FBXL19: variants seen among roughly 807,000 people sequenced by gnomAD.
FBXL19 encodes F-box/LRR-repeat protein 19.
Under a neutral mutation model 71.2 loss-of-function variants are expected in FBXL19, and 16 were observed. The observed-to-expected ratio is 0.22, with a 90% CI of 0.15 to 0.34. The LOEUF (loss-of-function observed/expected upper bound fraction) is 0.34, where lower values mean the gene tolerates loss of function less well. FBXL19 is among the 10% of genes least tolerant of loss of function. The pLI is 1.00. For missense variants in FBXL19, 658 were observed against 968.2 expected, an observed-to-expected ratio of 0.68 and a Z score of 4.25; for synonymous variants, 447 against 409.4, an observed-to-expected ratio of 1.09 and a Z score of -1.11.
intron 7 of FBXL19, among the ~76,000 whole-genome samples, chr16:30,940,212 C>G (rs927613169): frequency 2.4e-4 from 36 of 151,140 alleles, no homozygotes; most frequent in Admixed American, 4.0e-4. Context: ...GAGCCAAGAT[C>G]ACACCATTGC....
At chr16:30,944,706 C>T (rs1204185845) in intron 9 of FBXL19, among the ~76,000 whole-genome samples, 2 of 152,220 alleles carry the variant, frequency 1.3e-5, no homozygotes, top group East Asian at 3.8e-4. Flanking sequence ...CTGATGCCTA[C>T]TCCTCCCTGC....
Position 30,928,484 on chromosome 16 carries a change from G to A in FBXL19, c.645G>A (p.Glu215=). Residue 215 remains glutamate, a synonymous_variant, in exon 6 of 11, where the codon GAG becomes GAA. Transcript: ENST00000338343. ...CCTGGTAGGTGAAAGGAGGCCGAGA[G>A]AGGCACCTGAAGAAGGTGGGTGGAG... ...TPRKKVKGGR[E]RHLKKVGGDA... is the part of the protein sequence containing the mutation. The A allele has an allele frequency of 6.3e-7, 1 of 1,591,976 alleles. No individual in the cohort carries two copies. Among genetic ancestry groups the A allele is most frequent in the Non-Finnish European group, 8.6e-7 (1 of 1,168,862 alleles).
In FBXL19 at chr16:30,930,511, C is replaced by A. The variant is rs2055660812; in HGVS notation, c.1228C>A (p.Leu410Ile). 1 of 1,526,234 alleles carries A rather than the reference C, an allele frequency of 6.6e-7. No individual in the cohort carries two copies. Among genetic ancestry groups the A allele is most frequent in the Non-Finnish European group, 8.7e-7 (1 of 1,142,964 alleles). The allele number at this position is 1,526,234 out of a possible 1,614,324, so 94.5% of individuals were successfully genotyped here. The change falls in exon 7 of 11, where the codon CTT becomes ATT. Residue 410 changes from leucine to isoleucine, a missense_variant. Coordinates refer to ENST00000338343, the MANE Select transcript of FBXL19 (RefSeq NM_001382779.1). The surrounding 1 kb of genome is among the most constrained non-coding windows in gnomAD (Gnocchi z 8.5). ...CCACCCCCTGCCCCGGGCCGCCTGG[C>A]TTCGCGTCTTCCAGCACCTCGGGCC... Reference protein sequence around the residue: ...SDHPLPRAAWLRVFQHLGPRE... With the variant: ...SDHPLPRAAWIRVFQHLGPRE...
In FBXL19 at chr16:30,946,823, G is replaced by A. The variant is rs760206019; in HGVS notation, c.1721G>A (p.Arg574His). 37 of 1,612,684 alleles carry A rather than the reference G, an allele frequency of 2.3e-5. No homozygotes were observed. Among genetic ancestry groups the A allele is most frequent in the Admixed American group, 5.0e-5 (3 of 59,894 alleles). The change falls in exon 10 of 11, where the codon CGT (arginine) becomes CAT (histidine). Residue 574 changes from arginine to histidine, a missense_variant. Arg to His is a conservative substitution (Grantham distance 29, BLOSUM62 0). This residue lies in a region of FBXL19 where 69 missense variants were observed against 177.8 expected (regional missense o/e 0.39). Coordinates refer to ENST00000338343, the MANE Select transcript of FBXL19 (RefSeq NM_001382779.1). This position sits in a 1 kb window ranked among gnomAD's most constrained non-coding sequence, Gnocchi z 6.7. ...GATGCCTCCCTGCGTCTCCTGCTGC[G>A]TCACGCACCCCAGCTGAGCGCCCTG... is the stretch of plus-strand genomic sequence containing the variant. ...LTDASLRLLL[R>H]HAPQLSALDL...
intron 7 of FBXL19, among the ~76,000 whole-genome samples, chr16:30,933,096 G>A (rs2055693386): frequency 6.6e-6 from 1 of 151,978 alleles, no homozygotes. Flanking sequence ...CACCTCCCAG[G>A]TTCAAGCGAT....
intron 1 of FBXL19, 194 bp downstream of exon 1, chr16:30,924,653 T>C: frequency 7.1e-7 from 1 of 1,400,692 alleles, no homozygotes; most frequent in Non-Finnish European, 9.2e-7. Context: ...TGCTTCCCCT[T>C]GAAAGCCCCC....
chr16:30,946,621 C>A lies in FBXL19; in HGVS notation c.1628-109C>A. ...TTTGAGAAGAGCAAGCCACAGAGTG[C>A]ACCAGGTCACTCACTTATGTGGGAA... On this transcript the variant is annotated intron_variant, in intron 9 of 10. Coordinates refer to ENST00000338343, the MANE Select transcript of FBXL19 (RefSeq NM_001382779.1). The surrounding 1 kb of genome is among the most constrained non-coding windows in gnomAD (Gnocchi z 6.7). 1 of 1,048,758 alleles carries A rather than the reference C, an allele frequency of 9.5e-7. No homozygotes were observed. Among genetic ancestry groups the A allele is most frequent in the Non-Finnish European group, 1.4e-6 (1 of 720,078 alleles). The allele number at this position is 1,048,758 out of a possible 1,614,324, so 65.0% of individuals were successfully genotyped here.
At position 30,925,833 on chromosome 16, in the gene FBXL19, C is replaced by A; in HGVS notation, c.79C>A (p.Arg27=). 6.6e-7 allele frequency: 1 copy of A among 1,512,942 alleles called. No homozygotes were observed. Among genetic ancestry groups the A allele is most frequent in the Non-Finnish European group, 8.8e-7 (1 of 1,134,252 alleles). The allele number at this position is 1,512,942 out of a possible 1,614,324, so 93.7% of individuals were successfully genotyped here. Residue 27 remains arginine (R), a synonymous_variant, in exon 2 of 11, where the codon CGA becomes AGA. Coordinates refer to ENST00000338343, the MANE Select transcript of FBXL19 (RefSeq NM_001382779.1). The surrounding 1 kb of genome is among the most constrained non-coding windows in gnomAD (Gnocchi z 5.0). ...CTGCCGCCGCTGCCGGGCCTGTGTG[C>A]GAACTGAGTGCGGGGATTGCCACTT... ...TRCRRCRACV[R]TECGDCHFCR...
Position 30,942,558 on chromosome 16 carries a change from C to T in FBXL19, c.1627+22C>T, listed in dbSNP as rs901425197. 2 of 1,557,646 alleles carry T rather than the reference C, an allele frequency of 1.3e-6. No homozygotes were observed. Among genetic ancestry groups the T allele is most frequent in the African/African-American group, 1.4e-5 (1 of 73,724 alleles). On this transcript the variant is annotated intron_variant, in intron 9 of 10. Coordinates refer to ENST00000338343, the MANE Select transcript of FBXL19 (RefSeq NM_001382779.1). This position sits in a 1 kb window ranked among gnomAD's most constrained non-coding sequence, Gnocchi z 5.7. ...CCAGGTGCAACCTCTGTTTGCTTTTCTGGAGAATGGGCTGGGCAAGGGTAG... is the reference window on the plus strand; with the variant it reads ...CCAGGTGCAACCTCTGTTTGCTTTTTTGGAGAATGGGCTGGGCAAGGGTAG...
intron 7 of FBXL19, among the ~76,000 whole-genome samples, chr16:30,940,119 G>A (rs1422255217): frequency 2.6e-5 from 4 of 152,216 alleles, no homozygotes; most frequent in Admixed American, 1.3e-4. Context: ...TTAGCCGGGC[G>A]TGGTGGCGCA....
In FBXL19 at chr16:30,925,781, G is replaced by A. The variant is rs1349213519; in HGVS notation, c.27G>A (p.Gly9=). The part of the protein sequence containing the change: MSSSSRGP[G]AGARRRRTRC... ...TGTCGTCGAGCAGCCGGGGGCCGGG[G>A]GCCGGAGCGCGCCGACGCCGAACCC... Residue 9 remains glycine, a synonymous_variant, in exon 2 of 11, where the codon GGG becomes GGA. Coordinates refer to ENST00000338343, the MANE Select transcript of FBXL19 (RefSeq NM_001382779.1). This position sits in a 1 kb window ranked among gnomAD's most constrained non-coding sequence, Gnocchi z 5.0. 1.3e-6 allele frequency: 2 copies of A among 1,488,790 alleles called. No individual in the cohort carries two copies. Among genetic ancestry groups the A allele is most frequent in the South Asian group, 1.3e-5 (1 of 75,662 alleles). The allele number at this position is 1,488,790 out of a possible 1,614,324, so 92.2% of individuals were successfully genotyped here. A position where few individuals can be genotyped will look rare whatever the true frequency, so the allele number is the denominator to read the frequency against.
At chr16:30,943,081 G>C (rs761041839) in intron 9 of FBXL19, among the ~76,000 whole-genome samples, 100 of 152,380 alleles carry the variant, frequency 6.6e-4, no homozygotes, top group Non-Finnish European at 1.1e-3. Flanking sequence ...CTGCTCCATA[G>C]ATAGCTGTTG....
chr16:30,945,907 A>G (rs949506024), intron 9 of FBXL19, among the ~76,000 whole-genome samples: 2 of 151,854 alleles, frequency 1.3e-5, no homozygotes, highest in Non-Finnish European at 2.9e-5. Flanking sequence ...AATGCATATA[A>G]TATGTCAAAT....
intron 6 of FBXL19, among the ~76,000 whole-genome samples, chr16:30,929,207 C>T (rs2055640388): frequency 6.6e-6 from 1 of 152,186 alleles, no homozygotes; most frequent in African/African-American, 2.4e-5. Flanking sequence ...CAAATCCTGC[C>T]TCTGCTGTTT....
Position 30,928,522 on chromosome 16 carries a change from T to C in FBXL19, c.683T>C (p.Leu228Pro). The change falls in exon 6 of 11, where the codon CTC (leucine) becomes CCC (proline). Residue 228 changes from leucine (L) to proline (P), a missense_variant. Around this residue, in one of 8 missense-constraint regions of FBXL19, gnomAD observed 447 missense variants for 515.4 expected, o/e 0.87. Coordinates refer to ENST00000338343, the MANE Select transcript of FBXL19 (RefSeq NM_001382779.1). The stretch of plus-strand genomic sequence containing the variant: ...AAGGTGGGTGGAGACGCCTGCCTCC[T>C]CCGAGGATCGGACCCAGGCGGCCCG... ...LKKVGGDACL[L>P]RGSDPGGPGL... The C allele has an allele frequency of 1.9e-6, 3 of 1,607,806 alleles. No homozygotes were observed. The highest frequency in any genetic ancestry group is 2.5e-6 in the Non-Finnish European group (3 of 1,176,936).
At chr16:30,935,716 C>T (rs1223567240) in intron 7 of FBXL19, among the ~76,000 whole-genome samples, 2 of 152,104 alleles carry the variant, frequency 1.3e-5, no homozygotes, top group Non-Finnish European at 1.5e-5. Flanking sequence ...AGGGCTGGTC[C>T]AGCTCCCTGT....
intron 7 of FBXL19, among the ~76,000 whole-genome samples, chr16:30,935,439 A>T (rs2055721663): frequency 1.3e-5 from 2 of 151,690 alleles, no homozygotes; most frequent in African/African-American, 4.8e-5. Context: ...TGATCCCTTA[A>T]GAGTGAAGAG....
At chr16:30,936,648 A>G (rs949920035) in intron 7 of FBXL19, among the ~76,000 whole-genome samples, 40 of 128,814 alleles carry the variant, frequency 3.1e-4, no homozygotes, top group African/African-American at 9.7e-4. Flanking sequence ...GGGTTTCACC[A>G]TGTTAGCCAG....
chr16:30,940,033 G>T (rs756117703), intron 7 of FBXL19, among the ~76,000 whole-genome samples: 1 of 152,118 alleles, frequency 6.6e-6, no homozygotes, highest in African/African-American at 2.4e-5. Flanking sequence ...AAAGTGGGCA[G>T]ATCACCTGAG....
Sources: allele counts gnomAD v4.1 joint callset (sites outside exome capture counted in the v4.1 genomes callset), GRCh38; gene constraint gnomAD v4.1.1; regional missense constraint gnomAD v4.1.1; non-coding constraint Gnocchi (gnomAD v3.1); transcripts MANE v1.5; gene names NCBI Gene and HGNC (gene_info 2026-07-23, HGNC 2026-07-21).